Variants in RTEL1 observed in about 807,000 individuals in gnomAD.
RTEL1 encodes the protein regulator of telomere elongation helicase 1.
In RTEL1, 86 loss-of-function variants were observed where a neutral mutation model predicts 162.2. The observed-to-expected ratio is 0.53, with a 90% CI of 0.45 to 0.63. The LOEUF is 0.63. RTEL1 is among the 30% of genes least tolerant of loss of function. The probability of loss-of-function intolerance (pLI) is 0.00; values close to 1 mark genes in which losing one functional copy is unlikely to be tolerated. For missense variants in RTEL1, 1,941 were observed against 1,750.2 expected (o/e 1.11, Z -1.95); for synonymous variants, 958 against 717.9 (o/e 1.33, Z -5.35).
At chr20:63,693,827 C>T (rs1237543493) in intron 30 of RTEL1, among the ~76,000 whole-genome samples, 2 of 145,386 alleles carry the variant, frequency 1.4e-5, no homozygotes, top group Non-Finnish European at 1.5e-5. Flanking sequence ...CCTGTCCCTG[C>T]CATAGCCCCG....
rs756944193 is a variant in RTEL1, at chr20:63,673,920, C to G, written c.766-20C>G. 3 of 1,598,390 alleles carry G rather than the reference C, an allele frequency of 1.9e-6. No individual in the cohort carries two copies. Among genetic ancestry groups the G allele is most frequent in the African/African-American group, 1.3e-5 (1 of 74,708 alleles). Reference sequence around the variant, plus strand: ...GATCCTGTCCTGTTCTGTGGTGATTCGGGTGTGCTTGGGCTCTAGGAGAAG... The same window carrying G: ...GATCCTGTCCTGTTCTGTGGTGATTGGGGTGTGCTTGGGCTCTAGGAGAAG... On this transcript the variant is annotated intron_variant, in intron 9 of 34. Transcript: ENST00000360203.
chr20:63,665,821 C>T (rs927552950), intron 6 of RTEL1, among the ~76,000 whole-genome samples, 183 bp from the exon 7 acceptor site: 4 of 152,152 alleles, frequency 2.6e-5, no homozygotes, highest in African/African-American at 7.2e-5. Flanking sequence ...CAGGATCACT[C>T]GGGTGGGGGC....
chr20:63,661,437 T>C lies in RTEL1; in HGVS notation c.242T>C (p.Phe81Ser). Residue 81 changes from phenylalanine to serine, a missense_variant, in exon 3 of 35, where the codon TTC becomes TCC. Physicochemically the swap from Phe to Ser is radical, Grantham distance 155 (BLOSUM62 -2). Transcript: ENST00000360203. This position sits in a 1 kb window ranked among gnomAD's most constrained non-coding sequence, Gnocchi z 5.1. ...GCCGAGAGGGCGCAAGGAGAGCTTT[T>C]CCCGGATCGGGCCTTGTCATCCTGG... ...KIAERAQGELFPDRALSSWGN... is the reference protein window; with the variant it reads ...KIAERAQGELSPDRALSSWGN... 1 of 1,613,738 alleles carries C rather than the reference T, an allele frequency of 6.2e-7. No individual in the cohort carries two copies. The highest frequency in any genetic ancestry group is 1.1e-5 in the South Asian group (1 of 91,072).
chr20:63,692,574 T>G, intron 28 of RTEL1: 1 of 585,990 alleles, frequency 1.7e-6, no homozygotes, highest in African/African-American at 1.9e-5. Context: ...CATTCACTGC[T>G]CTCAGTTCCC....
intron 30 of RTEL1, 89 bp downstream of exon 30, chr20:63,693,372 G>A (rs899081632): frequency 3.9e-5 from 60 of 1,524,336 alleles, no homozygotes; most frequent in African/African-American, 2.5e-4. Flanking sequence ...GGGCATCCTC[G>A]GGCCCTGCTT....
chr20:63,679,689 G>A (rs1342781833), intron 12 of RTEL1, among the ~76,000 whole-genome samples, 160 bp from the exon 13 acceptor site: 2 of 152,108 alleles, frequency 1.3e-5, no homozygotes, highest in African/African-American at 4.8e-5. Flanking sequence ...GCTGCAGCCT[G>A]ATTTCCCCCT....
At chr20:63,670,578 T>C (rs1452136961) in intron 8 of RTEL1, among the ~76,000 whole-genome samples, 1 of 152,092 alleles carries the variant, frequency 6.6e-6, no homozygotes, top group African/African-American at 2.4e-5. Context: ...AAGCCCTGAG[T>C]GTGGCATGAG....
chr20:63,661,248 C>G lies in RTEL1; in HGVS notation c.103-50C>G, dbSNP rs1489236403. The G allele has an allele frequency of 6.4e-7, 1 of 1,559,388 alleles. No individual in the cohort carries two copies. Among genetic ancestry groups the G allele is most frequent in the Non-Finnish European group, 8.8e-7 (1 of 1,138,368 alleles). On this transcript the variant is annotated intron_variant, in intron 2 of 34. Coordinates refer to ENST00000360203, the MANE Select transcript of RTEL1 (RefSeq NM_001283009.2). This position sits in a 1 kb window ranked among gnomAD's most constrained non-coding sequence, Gnocchi z 5.1. ...GCTTGTCTCAGGGCAGCTTGTGTGGCCTCGCCTCTTCCTGGCTTCCCCGTA... is the reference window on the plus strand; with the variant it reads ...GCTTGTCTCAGGGCAGCTTGTGTGGGCTCGCCTCTTCCTGGCTTCCCCGTA...
rs139795904 is a variant in RTEL1 at position 63,660,395 on chromosome 20, C to T, written c.102+891C>T. Among the ~76,000 whole-genome samples the T allele has an allele frequency of 7.9e-3, 1,200 of 152,326 alleles. 10 individuals carry two copies. Among genetic ancestry groups the T allele is most frequent in the South Asian group, 0.032 (156 of 4,824 alleles). On this transcript the variant is annotated intron_variant, in intron 2 of 34. Coordinates refer to ENST00000360203, the MANE Select transcript of RTEL1 (RefSeq NM_001283009.2). ...GTCCCTGCGGCTTTCCGCAGTGCAT[C>T]GTGCCCCTGGTTTATCGAGACTGGA...
intron 20 of RTEL1, 25 bp downstream of exon 20, chr20:63,688,411 G>A (rs759518785): frequency 6.5e-5 from 105 of 1,610,482 alleles, no homozygotes; most frequent in Non-Finnish European, 8.1e-5. Flanking sequence ...TGTTCTGGGC[G>A]GGGTGGGTGA....
At chr20:63,682,641 G>T in intron 14 of RTEL1, 1 of 985,796 alleles carries the variant, frequency 1.0e-6, no homozygotes. Flanking sequence ...ACCCGCGTTG[G>T]CTCCTGAGCC....
chr20:63,689,539 G>A lies in RTEL1; in HGVS notation c.1916G>A (p.Arg639His), dbSNP rs1484865003. 4.3e-6 allele frequency: 7 copies of A among 1,610,590 alleles called. No homozygotes were observed. Among genetic ancestry groups the A allele is most frequent in the Non-Finnish European group, 5.1e-6 (6 of 1,179,242 alleles). ...EGLDFSDTNG[R>H]GVIVTGLPYP... is the part of the protein sequence containing the mutation. Reference sequence around the variant, plus strand: ...CTGGACTTCTCAGACACGAATGGCCGTGGTGTGATTGTCACGGGCCTCCCG... The same window carrying A: ...CTGGACTTCTCAGACACGAATGGCCATGGTGTGATTGTCACGGGCCTCCCG... Residue 639 changes from arginine to histidine, a missense_variant, in exon 23 of 35, where the codon CGT becomes CAT. Coordinates refer to ENST00000360203, the MANE Select transcript of RTEL1 (RefSeq NM_001283009.2).
At chr20:63,678,573 A>C (rs537186473) in intron 12 of RTEL1, among the ~76,000 whole-genome samples, 6 of 121,798 alleles carry the variant, frequency 4.9e-5, no homozygotes, top group African/African-American at 1.9e-4. Flanking sequence ...ACGGAACGGC[A>C]CACACACCCA....
intron 28 of RTEL1, 22 bp downstream of exon 28, chr20:63,691,859 C>A: frequency 6.3e-7 from 1 of 1,592,770 alleles, no homozygotes; most frequent in Non-Finnish European, 8.6e-7. Context: ...GTCCCTGCAC[C>A]TGTGCCGACC....
At chr20:63,681,349 C>T (rs1263624063) in intron 14 of RTEL1, 64 of 985,260 alleles carry the variant, frequency 6.5e-5, no homozygotes, top group South Asian at 9.4e-5. Flanking sequence ...GTTGCCTCTC[C>T]GGGGCCTCGG....
intron 21 of RTEL1, 48 bp from the exon 22 acceptor site, chr20:63,689,007 G>A (rs1461647214): frequency 3.3e-6 from 5 of 1,533,170 alleles, no homozygotes; most frequent in Non-Finnish European, 4.5e-6. Context: ...GGGGGAGGAA[G>A]GGGCTGGGGG....
intron 10 of RTEL1, among the ~76,000 whole-genome samples, chr20:63,675,350 G>A (rs2090328211): frequency 6.6e-6 from 1 of 152,130 alleles, no homozygotes; most frequent in African/African-American, 2.4e-5. Flanking sequence ...CTTTAAAATC[G>A]CACATGTGGA....
At chr20:63,663,104 C>T (rs1268135739) in intron 6 of RTEL1, 2 of 604,542 alleles carry the variant, frequency 3.3e-6, no homozygotes, top group Admixed American at 2.6e-5. Flanking sequence ...GGCAAGACTG[C>T]CTCTGGCTGG....
rs1231026599 is a variant in RTEL1 at position 63,678,156 on chromosome 20, G to A, written c.931G>A (p.Glu311Lys). The change falls in exon 11 of 35, where the codon GAG (glutamate) becomes AAG (lysine). Residue 311 changes from glutamate to lysine, a missense_variant. Transcript: ENST00000360203. ...TTTCTCTTGCCCAGGGCTGAACATGGAGCTGGAAGACATTGCAAAGCTGAA... is the reference window on the plus strand; with the variant it reads ...TTTCTCTTGCCCAGGGCTGAACATGAAGCTGGAAGACATTGCAAAGCTGAA... ...ADSPSPGLNM[E>K]LEDIAKLKMI... 6.2e-7 allele frequency: 1 copy of A among 1,614,202 alleles called. No homozygotes were observed. The highest frequency in any genetic ancestry group is 1.1e-5 in the South Asian group (1 of 91,084).
Sources: allele counts gnomAD v4.1 joint callset (sites outside exome capture counted in the v4.1 genomes callset), GRCh38; gene constraint gnomAD v4.1.1; non-coding constraint Gnocchi (gnomAD v3.1); transcripts MANE v1.5; gene names NCBI Gene and HGNC (gene_info 2026-07-23, HGNC 2026-07-21).